Variants in MRPL16 observed in about 807,000 individuals in gnomAD.
The protein encoded by MRPL16 is large ribosomal subunit protein uL16m.
A neutral mutation model predicts 22.7 loss-of-function variants in MRPL16; 17 were observed. That is an observed-to-expected ratio of 0.75 (90% CI 0.51 to 1.12). The LOEUF is 1.12. MRPL16 is among the 50% of genes most tolerant of loss of function. The pLI, the probability that MRPL16 is intolerant of heterozygous loss-of-function variation, is 0.00. For synonymous variants in MRPL16, 103 were observed against 112.8 expected, an observed-to-expected ratio of 0.91 and a Z score of 0.55; for missense variants, 316 against 328.7, an observed-to-expected ratio of 0.96 and a Z score of 0.30.
At chr11:59,810,569 G>A (rs771777013) in intron 1 of MRPL16, 35 bp downstream of exon 1, 20 of 1,613,610 alleles carry the variant, frequency 1.2e-5, no homozygotes, top group South Asian at 3.3e-5. Flanking sequence ...GAGGAAGAGG[G>A]GTAAAGTCTT....
At chr11:59,808,104 CT>C (rs1866132721) in intron 2 of MRPL16, among the ~76,000 whole-genome samples, 1 of 152,176 alleles carries the variant, frequency 6.6e-6, no homozygotes, top group Non-Finnish European at 1.5e-5. Flanking sequence ...AAAGTTACCA[CT>C]GAACAGTAAC....
chr11:59,806,351 A>G lies in MRPL16; in HGVS notation c.752T>C (p.Val251Ala). 6.2e-7 allele frequency: 1 copy of G among 1,613,938 alleles called. No homozygotes were observed. The highest frequency in any genetic ancestry group is 8.5e-7 in the Non-Finnish European group (1 of 1,179,864). The change falls in exon 4 of 4, where the codon GTG becomes GCG. Residue 251 changes from valine to alanine, a missense_variant. By Grantham distance (64) the Val-to-Ala change is moderately conservative. Coordinates refer to ENST00000300151, the MANE Select transcript of MRPL16 (RefSeq NM_017840.4). ...TACAGTTATCTCCTACACTCACTACACACGTTTGGGCATGTAGAACTTGCC... is the reference window on the plus strand; with the variant it reads ...TACAGTTATCTCCTACACTCACTACGCACGTTTGGGCATGTAGAACTTGCC... Reference protein sequence around the residue: ...YWGKFYMPKRV With the variant: ...YWGKFYMPKRA
chr11:59,807,975 G>T, intron 2 of MRPL16, 126 bp from the exon 3 acceptor site: 1 of 1,141,334 alleles, frequency 8.8e-7, no homozygotes, highest in Non-Finnish European at 1.2e-6. Context: ...GTAGAGACAG[G>T]GTCTCACTAT....
At chr11:59,810,292 A>G (rs1180649937) in intron 1 of MRPL16, 34 of 1,271,830 alleles carry the variant, frequency 2.7e-5, no homozygotes, top group Non-Finnish European at 1.8e-5. Context: ...TAAAGGCGTG[A>G]GCCACCGCGC....
intron 3 of MRPL16, 91 bp from the exon 4 acceptor site, chr11:59,806,923 A>C: frequency 6.8e-7 from 1 of 1,478,058 alleles, no homozygotes; most frequent in Non-Finnish European, 9.1e-7. Context: ...CTGTGGCTTC[A>C]ATGATACAAT....
At position 59,806,353 on chromosome 11, in the gene MRPL16, A is replaced by G; in HGVS notation, c.750T>C (p.Arg250=). 6.2e-7 allele frequency: 1 copy of G among 1,613,866 alleles called. No individual in the cohort carries two copies. Among genetic ancestry groups the G allele is most frequent in the Non-Finnish European group, 8.5e-7 (1 of 1,179,836 alleles). ...CAGTTATCTCCTACACTCACTACAC[A>G]CGTTTGGGCATGTAGAACTTGCCCC... ...KYWGKFYMPK[R]V Residue 250 remains arginine, a synonymous_variant, in exon 4 of 4, where the codon CGT becomes CGC. Transcript: ENST00000300151.
intron 1 of MRPL16, chr11:59,810,397 C>T: frequency 7.1e-7 from 1 of 1,402,042 alleles, no homozygotes; most frequent in Non-Finnish European, 9.3e-7. Context: ...AAAGGCCAGC[C>T]GGGATCTCTG....
intron 1 of MRPL16, 159 bp downstream of exon 1, chr11:59,810,445 C>T: frequency 6.8e-7 from 1 of 1,465,872 alleles, no homozygotes; most frequent in Non-Finnish European, 9.0e-7. Flanking sequence ...CCCTCTTGCA[C>T]GAACCCCTAC....
chr11:59,807,658 C>T (rs969714905), intron 3 of MRPL16, 43 bp downstream of exon 3: 1 of 1,576,594 alleles, frequency 6.3e-7, no homozygotes, highest in Non-Finnish European at 8.6e-7. Flanking sequence ...TTTGTTATTC[C>T]CTAGCTTCCA....
chr11:59,807,604 A>T (rs1180551910), intron 3 of MRPL16, 97 bp downstream of exon 3: 9 of 1,375,914 alleles, frequency 6.5e-6, no homozygotes, highest in African/African-American at 1.5e-5. Flanking sequence ...GTTCTAATAA[A>T]AACTGTGGAG....
intron 2 of MRPL16, among the ~76,000 whole-genome samples, chr11:59,809,085 C>A (rs1334739757): frequency 1.3e-5 from 2 of 152,130 alleles, no homozygotes; most frequent in Non-Finnish European, 2.9e-5. Context: ...ACCTACAAGT[C>A]AAAATGTACT....
rs769796308 is a variant in MRPL16 at position 59,809,900 on chromosome 11, C to T, written c.76G>A (p.Ala26Thr). 9 of 1,612,700 alleles carry T rather than the reference C, an allele frequency of 5.6e-6. No individual in the cohort carries two copies. Among genetic ancestry groups the T allele is most frequent in the South Asian group, 5.5e-5 (5 of 90,950 alleles). The change falls in exon 2 of 4, where the codon GCC becomes ACC. Residue 26 changes from alanine to threonine, a missense_variant. Coordinates refer to ENST00000300151, the MANE Select transcript of MRPL16 (RefSeq NM_017840.4). ...AGCAGTGTCTTTACGCCAGCACTGGCGGGGAGGAGTGCCCAGGAATCTACA... is the reference window on the plus strand; with the variant it reads ...AGCAGTGTCTTTACGCCAGCACTGGTGGGGAGGAGTGCCCAGGAATCTACA... ...PLSDSWALLP[A>T]SAGVKTLLPV... is the part of the protein sequence containing the mutation.
intron 3 of MRPL16, chr11:59,807,472 C>G (rs1039424860): frequency 2.8e-6 from 1 of 355,650 alleles, no homozygotes; most frequent in Non-Finnish European, 5.0e-6. Context: ...TTAGCTAGCC[C>G]CTTCCTTCTG....
At chr11:59,810,419 C>T (rs1866162043) in intron 1 of MRPL16, 185 bp downstream of exon 1, 5 of 1,417,364 alleles carry the variant, frequency 3.5e-6, no homozygotes, top group Non-Finnish European at 3.7e-6. Context: ...GCGCCGACTC[C>T]CAGACGCAGC....
At position 59,807,859 on chromosome 11, in the gene MRPL16, GCA is replaced by G. The variant is rs755480351; in HGVS notation, c.122-12_122-11del. Reference sequence around the variant, plus strand: ...TCAGGAATGGAAACATCTAAAAGAAGCACAGACAACCAGGATAAAGTAAAACT... The same window carrying G: ...TCAGGAATGGAAACATCTAAAAGAAGCAGACAACCAGGATAAAGTAAAACT... On this transcript the variant is annotated splice_polypyrimidine_tract_variant and intron_variant, in intron 2 of 3. Coordinates refer to ENST00000300151, the MANE Select transcript of MRPL16 (RefSeq NM_017840.4). 1 of 1,598,740 alleles carries G rather than the reference GCA, an allele frequency of 6.3e-7. No homozygotes were observed. Among genetic ancestry groups the G allele is most frequent in the Non-Finnish European group, 8.5e-7 (1 of 1,173,564 alleles).
Position 59,806,175 on chromosome 11 carries a change from T to G in MRPL16, c.*172A>C. 1.5e-6 allele frequency: 1 copy of G among 674,442 alleles called. No individual in the cohort carries two copies. The allele number at this position is 674,442 out of a possible 1,614,324, so 41.8% of individuals were successfully genotyped here. On this transcript the variant is annotated 3_prime_UTR_variant, in exon 4 of 4. Coordinates refer to ENST00000300151, the MANE Select transcript of MRPL16 (RefSeq NM_017840.4). ...ATGTTTAAATTTTATTTAATAAAAA[T>G]ACAGTTTTCTTTTTAAATCAACAAA...
chr11:59,806,945 ATCTAAGTTCTAATAAG>A, intron 3 of MRPL16, 113 bp from the exon 4 acceptor site: 1 of 1,427,304 alleles, frequency 7.0e-7, no homozygotes, highest in African/African-American at 1.4e-5. Flanking sequence ...GAAAATAAAA[ATCTAAGTTCTAATAAG>A]TCCCATGGAG....
At chr11:59,810,494 G>T in intron 1 of MRPL16, 110 bp downstream of exon 1, 1 of 1,550,498 alleles carries the variant, frequency 6.4e-7, no homozygotes, top group Non-Finnish European at 8.8e-7. Context: ...TTCCTAACCA[G>T]TGCTTCACCA....
At chr11:59,806,886 G>A (rs1208215361) in intron 3 of MRPL16, 54 bp from the exon 4 acceptor site, 4 of 1,555,166 alleles carry the variant, frequency 2.6e-6, no homozygotes, top group Non-Finnish European at 8.7e-7. Flanking sequence ...ATCATCTATG[G>A]GCTCATTATT....
Sources: allele counts gnomAD v4.1 joint callset (sites outside exome capture counted in the v4.1 genomes callset), GRCh38; gene constraint gnomAD v4.1.1; transcripts MANE v1.5; gene names NCBI Gene and HGNC (gene_info 2026-07-23, HGNC 2026-07-21).